The following ATP2A2 variants were observed in gnomAD, a reference collection of about 807,000 sequenced individuals.
ATP2A2 encodes the protein ATPase sarcoplasmic/endoplasmic reticulum Ca2+ transporting 2, also known as sarcoplasmic/endoplasmic reticulum calcium ATPase 2.
A neutral mutation model predicts 109.3 loss-of-function variants in ATP2A2; 14 were observed. That is an observed-to-expected ratio of 0.13 (90% CI 0.08 to 0.20). The LOEUF (loss-of-function observed/expected upper bound fraction) is 0.20, where lower values mean the gene tolerates loss of function less well. Among genes scored for constraint, ATP2A2 ranks in the 10% least tolerant of loss-of-function variants. The pLI is 1.00. For synonymous variants in ATP2A2, 506 were observed against 490.9 expected (o/e 1.03, Z -0.41); for missense variants, 657 against 1,321.6 (o/e 0.50, Z 7.80).
chr12:110,333,153 G>A (rs1274100954), intron 9 of ATP2A2, 28 bp from the exon 10 acceptor site: 1 of 1,581,748 alleles, frequency 6.3e-7, no homozygotes, highest in Non-Finnish European at 8.7e-7. Flanking sequence ...ACCATACCCT[G>A]CTCTAAGAGT....
At chr12:110,289,963 A>G (rs1326840815) in intron 3 of ATP2A2, among the ~76,000 whole-genome samples, 2 of 152,166 alleles carry the variant, frequency 1.3e-5, no homozygotes, top group Non-Finnish European at 2.9e-5. Flanking sequence ...TAGTTTTTAA[A>G]TCTTAACAAG....
rs950069982 is a variant in ATP2A2 at position 110,328,581 on chromosome 12, GA to G, written c.1095+570del. Among the ~76,000 whole-genome samples, 28 of 151,992 alleles carry G rather than the reference GA, an allele frequency of 1.8e-4. 1 individual carries two copies. Among genetic ancestry groups the G allele is most frequent in the Non-Finnish European group, 4.0e-4 (27 of 67,972 alleles). ...AGACTCCATCTCAAAGAAAAGAAAA[GA>G]AAAAAGACAAGGTCTCATTCTGTTG... On this transcript the variant is annotated intron_variant, in intron 8 of 19. Coordinates refer to ENST00000539276, the MANE Select transcript of ATP2A2 (RefSeq NM_170665.4).
At chr12:110,326,256 A>G (rs1877791371) in intron 6 of ATP2A2, 134 bp from the exon 7 acceptor site, 1 of 780,358 alleles carries the variant, frequency 1.3e-6, no homozygotes, top group Non-Finnish European at 2.2e-6. Context: ...CCTTTGAATG[A>G]ATTGGGCCTT....
chr12:110,335,003 G>T (rs914195537), intron 11 of ATP2A2, among the ~76,000 whole-genome samples: 1 of 152,202 alleles, frequency 6.6e-6, no homozygotes, highest in African/African-American at 2.4e-5. Context: ...CATTGTTCAT[G>T]TATACACTGA....
Position 110,340,574 on chromosome 12 carries a change from C to A in ATP2A2, c.1762-85C>A. On this transcript the variant is annotated intron_variant, in intron 13 of 19. Transcript: ENST00000539276. The surrounding 1 kb of genome is among the most constrained non-coding windows in gnomAD (Gnocchi z 6.0). The stretch of plus-strand genomic sequence containing the variant: ...AAAGAAAAAAAATGCAGAAACCTGT[C>A]TCAATGTTTAACTGGGCATTTTTCA... 7.3e-7 allele frequency: 1 copy of A among 1,370,126 alleles called. No individual in the cohort carries two copies. The highest frequency in any genetic ancestry group is 1.0e-6 in the Non-Finnish European group (1 of 977,510). 84.9% of individuals were successfully genotyped at this position (1,370,126 alleles called of 1,614,324 possible). A position where few individuals can be genotyped will look rare whatever the true frequency, so the allele number is the denominator to read the frequency against.
chr12:110,288,101 CTTTTTTT>C (rs71083111), intron 3 of ATP2A2, among the ~76,000 whole-genome samples: 1 of 87,300 alleles, frequency 1.1e-5, no homozygotes, highest in Non-Finnish European at 2.1e-5. Flanking sequence ...ATGCTTTGCC[CTTTTTTT>C]TTTTTTTTTT....
intron 5 of ATP2A2, among the ~76,000 whole-genome samples, chr12:110,309,166 T>TTTTTTTTTTG (rs1875719338): frequency 8.0e-6 from 1 of 124,940 alleles, no homozygotes; most frequent in African/African-American, 3.3e-5. Context: ...TTTTTTTTTT[T>TTTTTTTTTTG]TTTTTTTTTG....
chr12:110,349,833 G>A lies in ATP2A2; in HGVS notation c.*3363G>A, dbSNP rs1031373591. The stretch of plus-strand genomic sequence containing the variant: ...CCTCCTTTACTGAGGAGAATGATGC[G>A]GAGGAGTTTCCTCTCCAGGGCTAGG... On this transcript the variant is annotated 3_prime_UTR_variant, in exon 20 of 20. Coordinates refer to ENST00000539276, the MANE Select transcript of ATP2A2 (RefSeq NM_170665.4). 3.8e-6 allele frequency: 4 copies of A among 1,044,186 alleles called. No homozygotes were observed. Among genetic ancestry groups the A allele is most frequent in the Non-Finnish European group, 3.5e-6 (3 of 865,244 alleles). The allele number at this position is 1,044,186 out of a possible 1,614,324, so 64.7% of individuals were successfully genotyped here.
chr12:110,306,554 C>T (rs1452327398), intron 5 of ATP2A2, among the ~76,000 whole-genome samples: 2 of 152,066 alleles, frequency 1.3e-5, no homozygotes, highest in Non-Finnish European at 2.9e-5. Context: ...TTATTGTTCC[C>T]ATCTTAATGG....
chr12:110,327,789 C>T lies in ATP2A2; in HGVS notation c.867C>T (p.Ile289=), dbSNP rs201573336. 125 of 1,614,012 alleles carry T rather than the reference C, an allele frequency of 7.7e-5. No individual in the cohort carries two copies. Among genetic ancestry groups the T allele is most frequent in the Non-Finnish European group, 9.7e-5 (115 of 1,180,048 alleles). The part of the protein sequence containing the change: ...FNDPVHGGSW[I]RGAIYYFKIA... ...ACCCGGTTCATGGAGGGTCCTGGAT[C>T]AGAGGTGCTATTTACTACTTTAAAA... is the stretch of plus-strand genomic sequence containing the variant. Residue 289 remains isoleucine (I), a synonymous_variant, in exon 8 of 20, where the codon ATC becomes ATT. Coordinates refer to ENST00000539276, the MANE Select transcript of ATP2A2 (RefSeq NM_170665.4). The surrounding 1 kb of genome is among the most constrained non-coding windows in gnomAD (Gnocchi z 4.4).
chr12:110,298,009 T>C (rs986652557), intron 5 of ATP2A2, among the ~76,000 whole-genome samples: 36 of 152,322 alleles, frequency 2.4e-4, no homozygotes, highest in Middle Eastern at 3.4e-3. Context: ...CATTGCATAC[T>C]GTTATTCAGA....
chr12:110,344,621 G>A (rs1445725060), intron 16 of ATP2A2, among the ~76,000 whole-genome samples: 1 of 152,240 alleles, frequency 6.6e-6, no homozygotes, highest in Non-Finnish European at 1.5e-5. Context: ...GGTTGGCACA[G>A]GATGGAGCAA....
intron 9 of ATP2A2, 72 bp from the exon 10 acceptor site, chr12:110,333,109 G>A: frequency 7.9e-7 from 1 of 1,267,672 alleles, no homozygotes; most frequent in African/African-American, 1.6e-5. Context: ...AACAATTGCG[G>A]GGGGGCAGGG....
chr12:110,334,171 C>T, intron 11 of ATP2A2, 28 bp downstream of exon 11: 1 of 1,612,822 alleles, frequency 6.2e-7, no homozygotes. Context: ...GTTTATTGTT[C>T]ATGCTGCTTA....
intron 5 of ATP2A2, among the ~76,000 whole-genome samples, chr12:110,311,560 C>T (rs372013240): frequency 2.9e-5 from 4 of 137,130 alleles, no homozygotes; most frequent in African/African-American, 8.3e-5. Context: ...CGCGCCACTG[C>T]ACTCCAGCCT....
chr12:110,330,024 A>T (rs1878188496), intron 8 of ATP2A2: 1 of 152,220 alleles, frequency 6.6e-6, no homozygotes, highest in South Asian at 2.1e-4. Flanking sequence ...TTACAAAACT[A>T]ATGTCTTACA....
At chr12:110,293,783 T>C (rs1043521823) in intron 4 of ATP2A2, among the ~76,000 whole-genome samples, 1 of 150,630 alleles carries the variant, frequency 6.6e-6, no homozygotes, top group Non-Finnish European at 1.5e-5. Context: ...GGTAGGTTCA[T>C]AGAAAGATGG....
At chr12:110,317,680 A>T (rs1876816140) in intron 5 of ATP2A2, among the ~76,000 whole-genome samples, 1 of 152,096 alleles carries the variant, frequency 6.6e-6, no homozygotes, top group Admixed American at 6.6e-5. Flanking sequence ...GCCCGGCTTG[A>T]ATAATGGTAG....
Position 110,342,541 on chromosome 12 carries a change from GCTTTGGT to G in ATP2A2, c.2318+99_2318+105del, listed in dbSNP as rs1183696094. ...GCAGTTTGCTCTCCAGATTGCAGCA[GCTTTGGT>G]CTTTGTGCCTGAGTTGGAAGAGGGG... On this transcript the variant is annotated intron_variant, in intron 15 of 19. Transcript: ENST00000539276. This position sits in a 1 kb window ranked among gnomAD's most constrained non-coding sequence, Gnocchi z 4.6. 7.0e-7 allele frequency: 1 copy of G among 1,423,262 alleles called. No homozygotes were observed. Among genetic ancestry groups the G allele is most frequent in the East Asian group, 2.4e-5 (1 of 41,242 alleles). 88.2% of individuals were successfully genotyped at this position (1,423,262 alleles called of 1,614,324 possible). A position where few individuals can be genotyped will look rare whatever the true frequency, so the allele number is the denominator to read the frequency against.
Sources: gnomAD v4.1 joint callset for allele counts (sites outside exome capture counted in the v4.1 genomes callset) on GRCh38, gnomAD v4.1.1 for gene constraint, Gnocchi (gnomAD v3.1) non-coding constraint, MANE v1.5 for transcripts, NCBI Gene and HGNC (gene_info 2026-07-23, HGNC 2026-07-21) for gene names.